SYN3: variants seen among roughly 807,000 people sequenced by gnomAD.
SYN3 encodes synapsin III.
In SYN3, 35 loss-of-function variants were observed where a neutral mutation model predicts 65.8. The ratio of observed to expected loss-of-function variants is 0.53; its 90% CI spans 0.41 to 0.70. The LOEUF (loss-of-function observed/expected upper bound fraction) is 0.70, where lower values mean the gene tolerates loss of function less well. SYN3 is among the 30% of genes least tolerant of loss of function. The pLI is 0.00. For missense variants in SYN3, 680 were observed against 749.0 expected, an observed-to-expected ratio of 0.91 and a Z score of 1.08; for synonymous variants, 270 against 292.9, an observed-to-expected ratio of 0.92 and a Z score of 0.80.
intron 6 of SYN3, among the ~76,000 whole-genome samples, chr22:32,635,771 C>T (rs949733227): frequency 6.6e-6 from 1 of 152,136 alleles, no homozygotes; most frequent in Non-Finnish European, 1.5e-5. Flanking sequence ...TAAGTAGACT[C>T]CCAAATAAGC....
At chr22:33,026,227 G>A (rs1338015462) in intron 1 of SYN3, among the ~76,000 whole-genome samples, 4 of 152,186 alleles carry the variant, frequency 2.6e-5, no homozygotes, top group South Asian at 2.1e-4. Flanking sequence ...TCTCAGGCTT[G>A]CTGACGGTGT....
Position 32,841,167 on chromosome 22 carries a change from T to A in SYN3, c.711+23748A>T, listed in dbSNP as rs2047890430. ...GCAAATACATATGAGGTGCCTGTTA[T>A]GTGCCAGGCACTCTTCGGGCAGCTT... On this transcript the variant is annotated intron_variant, in intron 6 of 13. Transcript: ENST00000358763. Among the ~76,000 whole-genome samples the A allele has an allele frequency of 2.6e-5, 4 of 152,248 alleles. No individual in the cohort carries two copies. The South Asian group carries it at 6.2e-4, about 24-fold the overall frequency.
intron 6 of SYN3, among the ~76,000 whole-genome samples, chr22:32,766,834 T>A (rs2045639686): frequency 6.6e-6 from 1 of 152,334 alleles, no homozygotes; most frequent in Admixed American, 6.5e-5. Context: ...GGAATGGGTA[T>A]AGACAGATTC....
rs543320408 is a variant in SYN3 at position 32,509,619 on chromosome 22, A to T, written c.*4073T>A. ...AGTCTCACTCTGTTGCCCAGGCTGG[A>T]GTGCAGTGGTGCGATCTCGGCTCAC... On this transcript the variant is annotated 3_prime_UTR_variant, in exon 14 of 14. Coordinates refer to ENST00000358763, the MANE Select transcript of SYN3 (RefSeq NM_003490.4). Among the ~76,000 whole-genome samples the T allele has an allele frequency of 6.6e-6, 1 of 151,990 alleles. No individual in the cohort carries two copies. Among genetic ancestry groups the T allele is most frequent in the East Asian group, 1.9e-4 (1 of 5,184 alleles).
chr22:32,946,622 A>G (rs953455941), intron 3 of SYN3, among the ~76,000 whole-genome samples: 3 of 152,194 alleles, frequency 2.0e-5, no homozygotes, highest in Admixed American at 6.5e-5. Context: ...GCACACCAAC[A>G]TGGCACATGT....
intron 3 of SYN3, among the ~76,000 whole-genome samples, chr22:32,964,238 C>A (rs1411361116): frequency 7.4e-6 from 1 of 135,348 alleles, no homozygotes; most frequent in East Asian, 2.1e-4. Context: ...AATGAGAACA[C>A]ATGGACACAG....
intron 12 of SYN3, among the ~76,000 whole-genome samples, chr22:32,525,495 C>T (rs149843232): frequency 0.016 from 2,405 of 152,064 alleles, 28 homozygotes; most frequent in Non-Finnish European, 0.025. Context: ...ATCACGAGGT[C>T]GGGAGATCGA....
At chr22:33,050,393 G>A (rs1201262260) in intron 1 of SYN3, among the ~76,000 whole-genome samples, 1 of 148,764 alleles carries the variant, frequency 6.7e-6, no homozygotes, top group Non-Finnish European at 1.5e-5. Flanking sequence ...TGAGACATGA[G>A]AATCTCTGAG....
chr22:32,901,565 C>A (rs1275568178), intron 4 of SYN3, among the ~76,000 whole-genome samples: 4 of 152,216 alleles, frequency 2.6e-5, no homozygotes, highest in African/African-American at 7.2e-5. Flanking sequence ...AGCCAAGCAT[C>A]CTGCTTCACA....
chr22:32,748,894 C>T (rs181440852), intron 6 of SYN3, among the ~76,000 whole-genome samples: 3 of 152,310 alleles, frequency 2.0e-5, no homozygotes, highest in Non-Finnish European at 4.4e-5. Context: ...TAGCTAGTGA[C>T]TAAAACTCCA....
At chr22:32,549,973 G>A (rs1238944554) in intron 7 of SYN3, among the ~76,000 whole-genome samples, 1 of 152,034 alleles carries the variant, frequency 6.6e-6, no homozygotes, top group African/African-American at 2.4e-5. Context: ...AGGTGACGGG[G>A]ATGGAGGCTA....
At chr22:32,943,443 G>A (rs1369957729) in intron 3 of SYN3, among the ~76,000 whole-genome samples, 3 of 152,160 alleles carry the variant, frequency 2.0e-5, no homozygotes. Flanking sequence ...GCTCCTGAAG[G>A]AAGCACTAAA....
intron 7 of SYN3, among the ~76,000 whole-genome samples, chr22:32,596,085 A>G (rs939658388): frequency 6.6e-6 from 1 of 151,960 alleles, no homozygotes; most frequent in Non-Finnish European, 1.5e-5. Flanking sequence ...TCAAAAACAA[A>G]ATAAAGTGTG....
Position 32,931,442 on chromosome 22 carries a change from C to A in SYN3, c.409G>T (p.Gly137Trp), listed in dbSNP as rs749487023. The A allele has an allele frequency of 6.2e-7, 1 of 1,613,834 alleles. No individual in the cohort carries two copies. Among genetic ancestry groups the A allele is most frequent in the Non-Finnish European group, 8.5e-7 (1 of 1,179,810 alleles). Residue 137 changes from glycine (G) to tryptophan (W), a missense_variant, in exon 4 of 14, where the codon GGG becomes TGG. By Grantham distance (184) the Gly-to-Trp change is radical (BLOSUM62 -2). Coordinates refer to ENST00000358763, the MANE Select transcript of SYN3 (RefSeq NM_003490.4). Reference protein sequence around the residue: ...SELNLAAYVTGGCMVDMQVVR... With the variant: ...SELNLAAYVTWGCMVDMQVVR... Reference sequence around the variant, plus strand: ...ACCTGCATGTCCACCATGCAGCCCCCGGTCACATAGGCAGCTAGGTTCAAC... The same window carrying A: ...ACCTGCATGTCCACCATGCAGCCCCAGGTCACATAGGCAGCTAGGTTCAAC...
chr22:32,539,048 A>G (rs1211426557), intron 8 of SYN3, among the ~76,000 whole-genome samples: 1 of 152,210 alleles, frequency 6.6e-6, no homozygotes, highest in Non-Finnish European at 1.5e-5. Flanking sequence ...GCCTCGGCAA[A>G]GACTGAACGA....
chr22:32,880,280 G>A (rs559190012), intron 4 of SYN3, among the ~76,000 whole-genome samples: 3 of 152,294 alleles, frequency 2.0e-5, no homozygotes, highest in South Asian at 4.1e-4. Flanking sequence ...CCCTAGAAGT[G>A]GAGGCTAAAG....
intron 7 of SYN3, among the ~76,000 whole-genome samples, chr22:32,549,636 C>T (rs964685968): frequency 1.3e-5 from 2 of 152,198 alleles, no homozygotes; most frequent in African/African-American, 2.4e-5. Context: ...CGCAGGCTCA[C>T]GCCTGTAATC....
chr22:32,588,117 T>C (rs984474042), intron 7 of SYN3, among the ~76,000 whole-genome samples: 6 of 104,462 alleles, frequency 5.7e-5, no homozygotes, highest in Non-Finnish European at 9.0e-5. Flanking sequence ...GCTTTTATTA[T>C]TGTGATTATT....
At chr22:33,034,628 A>G (rs895906112) in intron 1 of SYN3, among the ~76,000 whole-genome samples, 4 of 152,118 alleles carry the variant, frequency 2.6e-5, no homozygotes, top group Admixed American at 2.0e-4. Flanking sequence ...AATAATAAGA[A>G]CAACCATCAT....
Sources: gnomAD v4.1 joint callset for allele counts (sites outside exome capture counted in the v4.1 genomes callset) on GRCh38, gnomAD v4.1.1 for gene constraint, MANE v1.5 for transcripts, NCBI Gene and HGNC (gene_info 2026-07-23, HGNC 2026-07-21) for gene names.